Variants in SCD5 observed in about 807,000 individuals in gnomAD.
The protein encoded by SCD5 is acyl-CoA-desaturase 4.
SCD5 carries 20 observed loss-of-function variants against 30.4 expected under a neutral mutation model. That is an observed-to-expected ratio of 0.66 (90% confidence interval 0.46 to 0.96). The LOEUF is 0.96. SCD5 is among the 40% of genes least tolerant of loss of function. The probability of loss-of-function intolerance (pLI) is 0.00; values close to 1 mark genes in which losing one functional copy is unlikely to be tolerated. For synonymous variants in SCD5, 173 were observed against 176.4 expected (o/e 0.98, Z 0.16); for missense variants, 381 against 443.3 (o/e 0.86, Z 1.26).
chr4:82,786,810 A>AC (rs964779191), intron 1 of SCD5, among the ~76,000 whole-genome samples: 9 of 151,590 alleles, frequency 5.9e-5, no homozygotes, highest in Non-Finnish European at 1.3e-4. Flanking sequence ...AAAAAAAAAA[A>AC]ACAAGGCAAT....
chr4:82,764,708 T>TTTTAAATA (rs1292762582), intron 1 of SCD5, among the ~76,000 whole-genome samples: 2 of 150,910 alleles, frequency 1.3e-5, no homozygotes, highest in Non-Finnish European at 2.9e-5. Flanking sequence ...AAACACGATC[T>TTTTAAATA]TTTAAATATT....
intron 1 of SCD5, among the ~76,000 whole-genome samples, chr4:82,759,523 T>A (rs1033101257): frequency 6.6e-6 from 1 of 152,044 alleles, no homozygotes; most frequent in Non-Finnish European, 1.5e-5. Context: ...CTCAACACTC[T>A]GCTCAGGATC....
chr4:82,729,893 AC>A (rs2148835083), intron 1 of SCD5, among the ~76,000 whole-genome samples: 1 of 152,188 alleles, frequency 6.6e-6, no homozygotes, highest in Non-Finnish European at 1.5e-5. Context: ...CCCAATTAGC[AC>A]TTATCTTCCA....
intron 1 of SCD5, among the ~76,000 whole-genome samples, chr4:82,730,608 A>T (rs1383422338): frequency 2.4e-5 from 3 of 125,948 alleles, no homozygotes; most frequent in African/African-American, 6.6e-5. Context: ...TTTTTTTAGA[A>T]GGAGTCTCAC....
At chr4:82,755,100 C>T (rs1175772858) in intron 1 of SCD5, among the ~76,000 whole-genome samples, 1 of 132,896 alleles carries the variant, frequency 7.5e-6, no homozygotes, top group Non-Finnish European at 1.5e-5. Context: ...CCAAACTATG[C>T]AGCTAACAAG....
chr4:82,703,157 G>A (rs187015117), intron 2 of SCD5, among the ~76,000 whole-genome samples: 71 of 152,264 alleles, frequency 4.7e-4, no homozygotes, highest in Middle Eastern at 3.4e-3. Flanking sequence ...CACATAGTAG[G>A]TGCTCAATAA....
At chr4:82,651,998 T>C (rs1727767778) in intron 3 of SCD5, among the ~76,000 whole-genome samples, 1 of 152,212 alleles carries the variant, frequency 6.6e-6, no homozygotes, top group African/African-American at 2.4e-5. Flanking sequence ...ACCATTACTG[T>C]GCATTTGAAT....
At chr4:82,720,366 G>A (rs6535394) in intron 1 of SCD5, among the ~76,000 whole-genome samples, 87,453 of 148,056 alleles carry the variant, frequency 0.59, 27,676 homozygotes, top group African/African-American at 0.83. Context: ...CCAGGAGGTC[G>A]AGGCTGCAGT....
intron 3 of SCD5, among the ~76,000 whole-genome samples, chr4:82,655,611 C>T (rs1727853727): frequency 6.6e-6 from 1 of 152,084 alleles, no homozygotes; most frequent in African/African-American, 2.4e-5. Flanking sequence ...GCAGGGGGCT[C>T]ATGGCACAGC....
chr4:82,791,415 G>GAA (rs34170165), intron 1 of SCD5, among the ~76,000 whole-genome samples: 114 of 142,420 alleles, frequency 8.0e-4, no homozygotes, highest in African/African-American at 2.3e-3. Flanking sequence ...AATAAAATTG[G>GAA]AAAAAAAAAA....
At chr4:82,748,197 A>G (rs1721033004) in intron 1 of SCD5, among the ~76,000 whole-genome samples, 1 of 152,216 alleles carries the variant, frequency 6.6e-6, no homozygotes, top group African/African-American at 2.4e-5. Flanking sequence ...GAATCTAGAC[A>G]GAGTCAAAGC....
At chr4:82,770,713 T>C (rs917271668) in intron 1 of SCD5, among the ~76,000 whole-genome samples, 2 of 152,234 alleles carry the variant, frequency 1.3e-5, no homozygotes, top group African/African-American at 4.8e-5. Flanking sequence ...TCTGTGCCAA[T>C]GGCTTCTTAC....
At chr4:82,782,199 G>C (rs369012078) in intron 1 of SCD5, among the ~76,000 whole-genome samples, 2 of 151,618 alleles carry the variant, frequency 1.3e-5, no homozygotes, top group Admixed American at 6.6e-5. Context: ...GACTGATCGA[G>C]GGAAGTGTCT....
At position 82,635,097 on chromosome 4, in the gene SCD5, T is replaced by C. The variant is rs576493165; in HGVS notation, c.802+1494A>G. Among the ~76,000 whole-genome samples, 39 of 152,292 alleles carry C rather than the reference T, an allele frequency of 2.6e-4. No homozygotes were observed. The South Asian group carries it at 7.9e-3, about 31-fold the overall frequency. On this transcript the variant is annotated intron_variant, in intron 4 of 4. Coordinates refer to ENST00000319540, the MANE Select transcript of SCD5 (RefSeq NM_001037582.3). The stretch of plus-strand genomic sequence containing the variant: ...CATTTCTACTTAACAGTAGGAACTT[T>C]CCTATGTTTGATCTCTGTGCTCAAG...
intron 3 of SCD5, among the ~76,000 whole-genome samples, chr4:82,665,157 C>T (rs1728155759): frequency 6.9e-6 from 1 of 143,912 alleles, no homozygotes; most frequent in African/African-American, 2.6e-5. Flanking sequence ...ATCATTTGAG[C>T]CAGAAGTTTG....
chr4:82,716,944 A>G (rs1720240907), intron 1 of SCD5, among the ~76,000 whole-genome samples: 1 of 151,850 alleles, frequency 6.6e-6, no homozygotes, highest in Non-Finnish European at 1.5e-5. Flanking sequence ...AACTACTTAC[A>G]TAGCATTTAC....
chr4:82,675,892 A>G (rs1468759265), intron 3 of SCD5, among the ~76,000 whole-genome samples: 3 of 152,240 alleles, frequency 2.0e-5, no homozygotes, highest in African/African-American at 7.2e-5. Flanking sequence ...TATGGCAGAG[A>G]CTGCTAATTG....
intron 3 of SCD5, among the ~76,000 whole-genome samples, chr4:82,653,788 A>G (rs1007826158): frequency 1.3e-5 from 2 of 152,114 alleles, no homozygotes; most frequent in African/African-American, 4.8e-5. Context: ...AGTTTCTCCA[A>G]ATCTCTTGAT....
intron 1 of SCD5, among the ~76,000 whole-genome samples, chr4:82,746,781 C>T (rs1271509800): frequency 2.0e-5 from 3 of 151,950 alleles, no homozygotes; most frequent in Non-Finnish European, 4.4e-5. Flanking sequence ...TAGAGAAGAG[C>T]GGGGTCCCTG....
Sources: allele counts gnomAD v4.1 joint callset (sites outside exome capture counted in the v4.1 genomes callset), GRCh38; gene constraint gnomAD v4.1.1; transcripts MANE v1.5; gene names NCBI Gene and HGNC (gene_info 2026-07-23, HGNC 2026-07-21).